The following MACROD2 variants were observed in gnomAD, a reference collection of about 807,000 sequenced individuals.
MACROD2 encodes the protein ADP-ribose glycohydrolase MACROD2.
Under a neutral mutation model 70.4 loss-of-function variants are expected in MACROD2, and 36 were observed. That is an observed-to-expected ratio of 0.51 (90% CI 0.39 to 0.68). MACROD2 has a LOEUF of 0.68. MACROD2 is among the 30% of genes least tolerant of loss of function. MACROD2 has a pLI of 0.00. For missense variants in MACROD2, 496 were observed against 538.4 expected, an observed-to-expected ratio of 0.92 and a Z score of 0.78; for synonymous variants, 172 against 178.8, an observed-to-expected ratio of 0.96 and a Z score of 0.30.
chr20:15,909,253 A>G lies in MACROD2; in HGVS notation c.775+23442A>G, dbSNP rs145858950. On this transcript the variant is annotated intron_variant, in intron 10 of 17. Coordinates refer to ENST00000684519, the MANE Select transcript of MACROD2 (RefSeq NM_001351661.2). ...GGGGCTTAGGGCAGTCTTACTTGTT[A>G]CACATTGACCCAGAGCTCCCATAGT... 3.7e-4 allele frequency among the ~76,000 whole-genome samples: 56 copies of G among 152,312 alleles called. 1 individual carries two copies. The highest frequency in any genetic ancestry group is 1.2e-3 in the African/African-American group (48 of 41,564).
intron 8 of MACROD2, among the ~76,000 whole-genome samples, chr20:15,634,713 T>G (rs540232255): frequency 6.6e-6 from 1 of 152,278 alleles, no homozygotes; most frequent in Non-Finnish European, 1.5e-5. Flanking sequence ...GTGTCGGATA[T>G]TGTCAGTTAT....
intron 8 of MACROD2, among the ~76,000 whole-genome samples, chr20:15,655,334 T>TA (rs2049713348): frequency 8.4e-6 from 1 of 119,108 alleles, no homozygotes; most frequent in Non-Finnish European, 1.8e-5. Flanking sequence ...TTTTTTTTTT[T>TA]AACATTCTCT....
chr20:14,678,045 AT>A (rs2070883785), intron 4 of MACROD2, among the ~76,000 whole-genome samples: 1 of 152,210 alleles, frequency 6.6e-6, no homozygotes, highest in African/African-American at 2.4e-5. Flanking sequence ...ATAAAGGTTT[AT>A]CACCTGATTC....
chr20:15,866,948 T>C (rs1025943187), intron 9 of MACROD2, among the ~76,000 whole-genome samples: 3 of 152,116 alleles, frequency 2.0e-5, no homozygotes, highest in African/African-American at 7.2e-5. Flanking sequence ...TTGTCAGGCC[T>C]CTAAAAACAA....
chr20:15,915,220 G>A (rs2065296617), intron 10 of MACROD2, among the ~76,000 whole-genome samples: 2 of 152,038 alleles, frequency 1.3e-5, no homozygotes, highest in African/African-American at 4.8e-5. Context: ...CAGGAAATGG[G>A]GCCAAAAGCT....
chr20:15,909,685 G>A (rs991556830), intron 10 of MACROD2, among the ~76,000 whole-genome samples: 1 of 151,666 alleles, frequency 6.6e-6, no homozygotes, highest in Admixed American at 6.6e-5. Flanking sequence ...CACTGCGCCC[G>A]GCTAATTTTT....
intron 8 of MACROD2, among the ~76,000 whole-genome samples, chr20:15,539,241 A>G (rs1421663200): frequency 6.6e-6 from 1 of 152,212 alleles, no homozygotes; most frequent in African/African-American, 2.4e-5. Flanking sequence ...AATCCATGGT[A>G]TATTGTCTGA....
At chr20:15,808,119 T>C (rs952745888) in intron 8 of MACROD2, among the ~76,000 whole-genome samples, 2 of 152,084 alleles carry the variant, frequency 1.3e-5, no homozygotes, top group Non-Finnish European at 2.9e-5. Flanking sequence ...TTGTGAGCCC[T>C]TAAAAGGGAC....
intron 5 of MACROD2, among the ~76,000 whole-genome samples, chr20:14,874,408 GA>G (rs777351273): frequency 0.014 from 1,422 of 99,726 alleles, 15 homozygotes; most frequent in African/African-American, 0.042. Flanking sequence ...GGTCTGGTAA[GA>G]AAAAAAAAAA....
chr20:15,794,226 C>T (rs1183648637), intron 8 of MACROD2, among the ~76,000 whole-genome samples: 1 of 152,084 alleles, frequency 6.6e-6, no homozygotes, highest in African/African-American at 2.4e-5. Flanking sequence ...CAATTCTATC[C>T]ACTCCTTTTT....
chr20:15,696,807 C>G (rs1223342686), intron 8 of MACROD2, among the ~76,000 whole-genome samples: 2 of 149,690 alleles, frequency 1.3e-5, no homozygotes, highest in Non-Finnish European at 3.0e-5. Flanking sequence ...AAGAATTTAT[C>G]CATCTCTTCT....
chr20:15,544,158 C>T lies in MACROD2; in HGVS notation c.645+44311C>T, dbSNP rs115133042. On this transcript the variant is annotated intron_variant, in intron 8 of 17. Coordinates refer to ENST00000684519, the MANE Select transcript of MACROD2 (RefSeq NM_001351661.2). ...ACCGATAGCCAAGGGGCCATCACCTCACAGCGTCTAGACTCTGGGAAACAG... is the reference window on the plus strand; with the variant it reads ...ACCGATAGCCAAGGGGCCATCACCTTACAGCGTCTAGACTCTGGGAAACAG... Among the ~76,000 whole-genome samples, 842 of 152,296 alleles carry T rather than the reference C, an allele frequency of 5.5e-3. 16 individuals carry two copies. Among genetic ancestry groups the T allele is most frequent in the African/African-American group, 0.019 (799 of 41,566 alleles).
intron 5 of MACROD2, among the ~76,000 whole-genome samples, chr20:14,724,204 T>C (rs1434785062): frequency 2.6e-5 from 4 of 152,068 alleles, no homozygotes; most frequent in South Asian, 2.1e-4. Context: ...CACTCATATG[T>C]AGAGGAAGTT....
chr20:14,804,375 C>T lies in MACROD2; in HGVS notation c.418+119416C>T, dbSNP rs528403914. On this transcript the variant is annotated intron_variant, in intron 5 of 17. Coordinates refer to ENST00000684519, the MANE Select transcript of MACROD2 (RefSeq NM_001351661.2). ...ATTTTCTAGCAGTTGTGCACATTGA[C>T]TTTTCTTTAAGTTGTAGAGGATCTG... 2.6e-5 allele frequency among the ~76,000 whole-genome samples: 4 copies of T among 152,118 alleles called. No individual in the cohort carries two copies. In the East Asian group the frequency reaches 7.7e-4, roughly 29 times the overall value.
At chr20:16,034,272 C>T (rs373372156) in intron 15 of MACROD2, among the ~76,000 whole-genome samples, 5 of 152,058 alleles carry the variant, frequency 3.3e-5, no homozygotes, top group East Asian at 3.9e-4. Context: ...AGCATCATTA[C>T]GGTATAGTGT....
chr20:15,573,810 G>A (rs1196886598), intron 8 of MACROD2, among the ~76,000 whole-genome samples: 1 of 152,012 alleles, frequency 6.6e-6, no homozygotes, highest in African/African-American at 2.4e-5. Flanking sequence ...CACTTGGAAT[G>A]GTGTAGCCAA....
At chr20:15,743,538 C>T (rs2051136236) in intron 8 of MACROD2, among the ~76,000 whole-genome samples, 2 of 152,208 alleles carry the variant, frequency 1.3e-5, no homozygotes, top group African/African-American at 2.4e-5. Flanking sequence ...ACCTACCTAC[C>T]ATCCTAACCC....
chr20:14,025,347 T>C (rs1672230278), intron 2 of MACROD2, among the ~76,000 whole-genome samples: 2 of 152,202 alleles, frequency 1.3e-5, no homozygotes, highest in Admixed American at 6.5e-5. Flanking sequence ...TGACGGGTTT[T>C]TCGTGTCTGT....
intron 6 of MACROD2, among the ~76,000 whole-genome samples, chr20:15,251,527 C>T (rs555232077): frequency 1.3e-5 from 2 of 152,284 alleles, no homozygotes; most frequent in South Asian, 4.1e-4. Flanking sequence ...TAATGAAGGA[C>T]TTGGGTGTAA....
Sources: gnomAD v4.1 joint callset for allele counts (sites outside exome capture counted in the v4.1 genomes callset) on GRCh38, gnomAD v4.1.1 for gene constraint, MANE v1.5 for transcripts, NCBI Gene and HGNC (gene_info 2026-07-23, HGNC 2026-07-21) for gene names.